The following KCTD1 variants were observed in gnomAD, a reference collection of about 807,000 sequenced individuals.
The protein encoded by KCTD1 is BTB/POZ domain-containing protein KCTD1.
In KCTD1, 24 loss-of-function variants were observed where a neutral mutation model predicts 66.0. The ratio of observed to expected loss-of-function variants is 0.36; its 90% CI spans 0.26 to 0.51. The LOEUF is 0.51. KCTD1 is among the 20% of genes least tolerant of loss of function. The probability of loss-of-function intolerance (pLI) is 0.95; values close to 1 mark genes in which losing one functional copy is unlikely to be tolerated. For synonymous variants in KCTD1, 511 were observed against 517.2 expected (o/e 0.99, Z 0.16); for missense variants, 943 against 1,205.2 (o/e 0.78, Z 3.22).
chr18:26,657,394 C>A lies in KCTD1; in HGVS notation c.-26G>T, dbSNP rs1048963598. The stretch of plus-strand genomic sequence containing the variant: ...TGAAGCACAAAGTCTCTCTCCAAGT[C>A]CCCTTTTCCTTTTCCTCTCCCCCCT... On this transcript the variant is annotated 5_prime_UTR_variant, in exon 1 of 5. Transcript: ENST00000580191. 3.0e-6 allele frequency: 3 copies of A among 985,774 alleles called. No homozygotes were observed. In the East Asian group the frequency reaches 3.4e-4, roughly 112 times the overall value. 61.1% of individuals were successfully genotyped at this position (985,774 alleles called of 1,614,324 possible).
chr18:26,534,359 T>C (rs1984589032), intron 1 of KCTD1, among the ~76,000 whole-genome samples: 1 of 152,150 alleles, frequency 6.6e-6, no homozygotes, highest in Admixed American at 6.5e-5. Context: ...TCCATCTTTC[T>C]CTAAACTTTA....
chr18:26,519,945 A>G (rs1983834112), intron 1 of KCTD1, among the ~76,000 whole-genome samples: 1 of 152,218 alleles, frequency 6.6e-6, no homozygotes, highest in Admixed American at 6.5e-5. Context: ...AATTCGGTTC[A>G]GTCTTAATGA....
chr18:26,534,226 A>C (rs1212599047), intron 1 of KCTD1, among the ~76,000 whole-genome samples: 2 of 152,188 alleles, frequency 1.3e-5, no homozygotes, highest in Non-Finnish European at 2.9e-5. Context: ...TAATCCTTTA[A>C]ATATTTTACA....
chr18:26,547,167 G>T lies in KCTD1; in HGVS notation c.1370C>A (p.Ser457Tyr). 6.4e-7 allele frequency: 1 copy of T among 1,551,176 alleles called. No individual in the cohort carries two copies. The change falls in exon 1 of 5, where the codon TCC becomes TAC. Residue 457 changes from serine to tyrosine, a missense_variant. By Grantham distance (144) the Ser-to-Tyr change is moderately radical (BLOSUM62 -2). This residue lies in a region of KCTD1 where 79 missense variants were observed against 133.9 expected (regional missense o/e 0.59). Coordinates refer to ENST00000580059, the MANE Select transcript of KCTD1 (RefSeq NM_001142730.3). ...CGCGATGCTGTTGAGCGTGGCGATG[G>T]AGACGGCGCCGATGCAGTGGTTGGT... ...TYTNHCIGAVSIATLNSIAGI... is the reference protein window; with the variant it reads ...TYTNHCIGAVYIATLNSIAGI...
rs536897699 is a variant in KCTD1, at chr18:26,471,077, T to C, written c.2133+5438A>G. 3.9e-5 allele frequency among the ~76,000 whole-genome samples: 6 copies of C among 152,228 alleles called. No homozygotes were observed. In the South Asian group the frequency reaches 1.2e-3, roughly 32 times the overall value. ...ATGGCTGCTCATTTCTGCTTGACCC[T>C]CTGACTCTGGGAGGACGTGCAGGTC... On this transcript the variant is annotated intron_variant, in intron 3 of 4. Coordinates refer to ENST00000580059, the MANE Select transcript of KCTD1 (RefSeq NM_001142730.3).
At chr18:26,615,091 T>A (rs1321778418) in intron 1 of KCTD1, among the ~76,000 whole-genome samples, 1 of 152,186 alleles carries the variant, frequency 6.6e-6, no homozygotes, top group Non-Finnish European at 1.5e-5. Flanking sequence ...GTGAAACAAA[T>A]CATAACATCC....
At chr18:26,513,203 T>G (rs948289733) in intron 1 of KCTD1, among the ~76,000 whole-genome samples, 5 of 150,780 alleles carry the variant, frequency 3.3e-5, no homozygotes, top group African/African-American at 7.3e-5. Flanking sequence ...TTCTCCTGCC[T>G]CAGCCTCCCG....
At chr18:26,525,518 T>C (rs1010921174) in intron 1 of KCTD1, among the ~76,000 whole-genome samples, 1 of 152,140 alleles carries the variant, frequency 6.6e-6, no homozygotes, top group African/African-American at 2.4e-5. Flanking sequence ...TTCCCAAAGA[T>C]TTTCCAAAAC....
At chr18:26,632,003 T>C (rs1299770402), upstream of KCTD1, among the ~76,000 whole-genome samples, 1 of 151,846 alleles carries the variant, frequency 6.6e-6, no homozygotes, top group Non-Finnish European at 1.5e-5. Context: ...TGAGCCGAGA[T>C]CGCGCCACTG....
intron 1 of KCTD1, among the ~76,000 whole-genome samples, chr18:26,606,116 C>T (rs1274538689): frequency 6.6e-6 from 1 of 152,060 alleles, no homozygotes; most frequent in Non-Finnish European, 1.5e-5. Flanking sequence ...TAGTTATTAT[C>T]AATAGAAAGA....
chr18:26,517,581 C>T (rs1281435817), intron 1 of KCTD1, among the ~76,000 whole-genome samples: 1 of 146,422 alleles, frequency 6.8e-6, no homozygotes, highest in East Asian at 2.0e-4. Flanking sequence ...TGCTTGAACC[C>T]AGGAGGCGGA....
chr18:26,591,532 A>G (rs1302130423), intron 1 of KCTD1: 1 of 152,188 alleles, frequency 6.6e-6, no homozygotes, highest in Admixed American at 6.6e-5. Context: ...CCACATCCCA[A>G]ATTCTTTTCA....
intron 1 of KCTD1, among the ~76,000 whole-genome samples, chr18:26,656,889 G>A (rs2145092876): frequency 6.7e-6 from 1 of 150,134 alleles, no homozygotes; most frequent in South Asian, 2.1e-4. Flanking sequence ...CGGGGCTCGG[G>A]GGAGGAGGGA....
chr18:26,487,544 A>G (rs1981980674), intron 2 of KCTD1, among the ~76,000 whole-genome samples: 1 of 152,226 alleles, frequency 6.6e-6, no homozygotes, highest in African/African-American at 2.4e-5. Context: ...CCAAATCAAA[A>G]TGACATGTGA....
At chr18:26,563,043 AC>A (rs527632780) in intron 1 of KCTD1, among the ~76,000 whole-genome samples, 142 of 152,270 alleles carry the variant, frequency 9.3e-4, no homozygotes, top group African/African-American at 3.2e-3. Flanking sequence ...TCTGCAATGC[AC>A]CCGAGCTAGG....
chr18:26,641,686 T>C (rs965609202), upstream of KCTD1, among the ~76,000 whole-genome samples: 1 of 152,054 alleles, frequency 6.6e-6, no homozygotes, highest in African/African-American at 2.4e-5. Context: ...TATTCATTGA[T>C]CTGATGGGGT....
At chr18:26,514,254 G>C (rs1983512799) in intron 1 of KCTD1, among the ~76,000 whole-genome samples, 1 of 152,080 alleles carries the variant, frequency 6.6e-6, no homozygotes, top group African/African-American at 2.4e-5. Flanking sequence ...AATTTTTAAA[G>C]GTGTGGGGGA....
chr18:26,622,707 A>G (rs971447487), intron 1 of KCTD1, among the ~76,000 whole-genome samples: 63 of 152,224 alleles, frequency 4.1e-4, no homozygotes, highest in African/African-American at 1.4e-3. Context: ...GGAAGATGAC[A>G]TTTAAGTTGA....
upstream of KCTD1, among the ~76,000 whole-genome samples, chr18:26,550,567 C>CACACAG (rs1231937985): frequency 6.4e-4 from 73 of 113,800 alleles, no homozygotes; most frequent in Admixed American, 3.4e-3. The surrounding 1 kb of genome is among the most constrained non-coding windows in gnomAD (Gnocchi z 5.4). Context: ...GACACACAGA[C>CACACAG]ACACACACAC....
Sources: gnomAD v4.1 joint callset for allele counts (sites outside exome capture counted in the v4.1 genomes callset) on GRCh38, gnomAD v4.1.1 for gene constraint, gnomAD v4.1.1 regional missense constraint, Gnocchi (gnomAD v3.1) non-coding constraint, MANE v1.5 for transcripts, NCBI Gene and HGNC (gene_info 2026-07-23, HGNC 2026-07-21) for gene names.